Variants in SRBD1 observed in about 807,000 individuals in gnomAD.
The protein encoded by SRBD1 is S1 RNA-binding domain-containing protein 1.
In SRBD1, 88 loss-of-function variants were observed where a neutral mutation model predicts 115.3. That is an observed-to-expected ratio of 0.76 (90% CI 0.64 to 0.91). The LOEUF (loss-of-function observed/expected upper bound fraction) is 0.91, where lower values mean the gene tolerates loss of function less well. Ranked by LOEUF, SRBD1 falls within the 40% of genes least tolerant of loss-of-function variation. The probability of loss-of-function intolerance (pLI) is 0.00; values close to 1 mark genes in which losing one functional copy is unlikely to be tolerated. For synonymous variants in SRBD1, 509 were observed against 407.7 expected (o/e 1.25, Z -2.99); for missense variants, 1,385 against 1,177.4 (o/e 1.18, Z -2.58).
chr2:45,451,757 A>C (rs1052592293), intron 16 of SRBD1, among the ~76,000 whole-genome samples: 1 of 151,188 alleles, frequency 6.6e-6, no homozygotes, highest in Non-Finnish European at 1.5e-5. Context: ...CAACGAAGAG[A>C]CTTTAAGTTC....
intron 14 of SRBD1, among the ~76,000 whole-genome samples, chr2:45,514,151 G>A (rs1013445449): frequency 1.3e-5 from 2 of 152,146 alleles, no homozygotes; most frequent in African/African-American, 4.8e-5. Context: ...ATTACGAAAA[G>A]TCTGAATTAA....
At chr2:45,551,376 A>C (rs1225946454) in intron 11 of SRBD1, 94 bp from the exon 12 acceptor site, 1 of 1,223,650 alleles carries the variant, frequency 8.2e-7, no homozygotes, top group Non-Finnish European at 1.1e-6. Context: ...TATTTCTCAA[A>C]GGATAATTTA....
chr2:45,601,835 A>T, intron 3 of SRBD1, 68 bp downstream of exon 3: 1 of 1,570,604 alleles, frequency 6.4e-7, no homozygotes, highest in Non-Finnish European at 8.6e-7. Context: ...TACTCTGTAG[A>T]ATAAGAAAAT....
intron 14 of SRBD1, among the ~76,000 whole-genome samples, chr2:45,532,183 C>A (rs1671634292): frequency 6.6e-6 from 1 of 151,740 alleles, no homozygotes; most frequent in Non-Finnish European, 1.5e-5. Context: ...ACCATCAGCA[C>A]CATCACAACC....
chr2:45,600,654 C>T (rs1674063920), intron 3 of SRBD1, among the ~76,000 whole-genome samples: 1 of 152,162 alleles, frequency 6.6e-6, no homozygotes, highest in African/African-American at 2.4e-5. Context: ...TCTGCACTGC[C>T]ACTGCCCCCC....
At chr2:45,574,133 A>G (rs1015347800) in intron 8 of SRBD1, among the ~76,000 whole-genome samples, 1 of 152,214 alleles carries the variant, frequency 6.6e-6, no homozygotes, top group African/African-American at 2.4e-5. Flanking sequence ...TGGGACTGTG[A>G]TGCCATAGAT....
chr2:45,412,841 A>G (rs992834579), intron 19 of SRBD1, among the ~76,000 whole-genome samples: 1 of 152,184 alleles, frequency 6.6e-6, no homozygotes, highest in East Asian at 1.9e-4. Context: ...TAATTTCCAA[A>G]ACAAACAGAG....
At chr2:45,426,195 T>TAGGC (rs1668149615) in intron 16 of SRBD1, among the ~76,000 whole-genome samples, 1 of 152,032 alleles carries the variant, frequency 6.6e-6, no homozygotes, top group African/African-American at 2.4e-5. Context: ...GAGGCTTGAG[T>TAGGC]AGGCGGTTTT....
At chr2:45,565,202 C>G (rs753540811) in intron 9 of SRBD1, among the ~76,000 whole-genome samples, 1 of 152,140 alleles carries the variant, frequency 6.6e-6, no homozygotes, top group South Asian at 2.1e-4. Flanking sequence ...TCAAAATAAA[C>G]TTGGAAGATT....
chr2:45,421,282 C>T (rs1278175166), intron 16 of SRBD1, among the ~76,000 whole-genome samples: 14 of 151,674 alleles, frequency 9.2e-5, no homozygotes, highest in Admixed American at 3.9e-4. Context: ...CCGAGGTGGG[C>T]GGATCACGAG....
Position 45,413,169 on chromosome 2 carries a change from GCTT to G in SRBD1, c.2455_2457del (p.Lys819del), listed in dbSNP as rs1371715249. Reference sequence around the variant, plus strand: ...ATACAAGTTTGGTCCAAAGGATTTGGCTTCAGTAAAACATTCACTGCAGTTTTG... The same window carrying G: ...ATACAAGTTTGGTCCAAAGGATTTGGCAGTAAAACATTCACTGCAGTTTTG... On this transcript the variant is annotated inframe_deletion, in exon 19 of 21. Transcript: ENST00000263736. 9 of 1,614,078 alleles carry G rather than the reference GCTT, an allele frequency of 5.6e-6. No homozygotes were observed. The highest frequency in any genetic ancestry group is 7.6e-6 in the Non-Finnish European group (9 of 1,179,974).
At chr2:45,571,537 A>AAAAAAAAAAAAC (rs1553356650) in intron 9 of SRBD1, among the ~76,000 whole-genome samples, 37 of 143,788 alleles carry the variant, frequency 2.6e-4, no homozygotes, top group East Asian at 1.8e-3. Context: ...AAAAAAAAAA[A>AAAAAAAAAAAAC]AAAAACTGTC....
intron 4 of SRBD1, among the ~76,000 whole-genome samples, chr2:45,593,755 G>C (rs1256610872): frequency 6.6e-6 from 1 of 152,144 alleles, no homozygotes; most frequent in Non-Finnish European, 1.5e-5. Flanking sequence ...GATTTCTGCT[G>C]TTCTCCTTAC....
intron 10 of SRBD1, among the ~76,000 whole-genome samples, chr2:45,559,582 A>G (rs1415846501): frequency 6.6e-6 from 1 of 152,210 alleles, no homozygotes; most frequent in South Asian, 2.1e-4. Context: ...AAAATCTAGC[A>G]CATAACTTGA....
At chr2:45,521,288 C>CACACACACAA (rs1671275702) in intron 14 of SRBD1, among the ~76,000 whole-genome samples, 1 of 119,924 alleles carries the variant, frequency 8.3e-6, no homozygotes, top group South Asian at 2.3e-4. Flanking sequence ...AAAAGGAAAA[C>CACACACACAA]ACACACACAC....
intron 4 of SRBD1, among the ~76,000 whole-genome samples, chr2:45,599,193 T>C (rs1674006882): frequency 1.3e-5 from 2 of 152,184 alleles, no homozygotes; most frequent in Admixed American, 6.5e-5. Flanking sequence ...AATCTGTCTA[T>C]ATAGTTTATG....
At chr2:45,528,087 T>C (rs1367881695) in intron 14 of SRBD1, among the ~76,000 whole-genome samples, 2 of 151,934 alleles carry the variant, frequency 1.3e-5, no homozygotes, top group Non-Finnish European at 2.9e-5. Context: ...GATGTAACTG[T>C]AACTCTGGGC....
chr2:45,536,489 G>A (rs146325130), intron 14 of SRBD1, among the ~76,000 whole-genome samples: 1 of 151,980 alleles, frequency 6.6e-6, no homozygotes, highest in African/African-American at 2.4e-5. Context: ...GTTACAAAGA[G>A]TGCATCTCTG....
chr2:45,502,566 C>G (rs1345993100), intron 14 of SRBD1, among the ~76,000 whole-genome samples: 1 of 151,620 alleles, frequency 6.6e-6, no homozygotes, highest in Non-Finnish European at 1.5e-5. Context: ...TCATTCTCAG[C>G]AAACTATCGC....
Sources: gnomAD v4.1 joint callset for allele counts (sites outside exome capture counted in the v4.1 genomes callset) on GRCh38, gnomAD v4.1.1 for gene constraint, MANE v1.5 for transcripts, NCBI Gene and HGNC (gene_info 2026-07-23, HGNC 2026-07-21) for gene names.